OSTF1: variants seen among roughly 807,000 people sequenced by gnomAD.
The protein encoded by OSTF1 is osteoclast-stimulating factor 1.
OSTF1 carries 27 observed loss-of-function variants against 37.2 expected under a neutral mutation model. The observed-to-expected ratio is 0.73, with a 90% confidence interval of 0.54 to 1.00. OSTF1 has a LOEUF of 1.00. OSTF1 is among the 50% of genes least tolerant of loss of function. The pLI is 0.00. For missense variants in OSTF1, 232 were observed against 253.8 expected, an observed-to-expected ratio of 0.91 and a Z score of 0.58; for synonymous variants, 82 against 89.2, an observed-to-expected ratio of 0.92 and a Z score of 0.46.
intron 1 of OSTF1, among the ~76,000 whole-genome samples, chr9:75,093,064 C>CT (rs1043919048): frequency 2.5e-4 from 28 of 112,848 alleles, no homozygotes; most frequent in African/African-American, 2.5e-4. Context: ...TTCTTTCTTT[C>CT]TTTTTTTTTT....
chr9:75,095,807 G>A (rs1825071590), intron 1 of OSTF1, among the ~76,000 whole-genome samples: 1 of 152,082 alleles, frequency 6.6e-6, no homozygotes, highest in African/African-American at 2.4e-5. Flanking sequence ...AACAGTTGCT[G>A]TAGGTGTTTA....
intron 1 of OSTF1, among the ~76,000 whole-genome samples, chr9:75,103,993 C>G (rs1244851149): frequency 2.0e-5 from 3 of 152,128 alleles, no homozygotes; most frequent in African/African-American, 7.2e-5. Context: ...TTTGGGAGGC[C>G]AAGGTGGGTA....
chr9:75,088,591 G>T lies in OSTF1; in HGVS notation c.-102G>T, dbSNP rs1389904628. On this transcript the variant is annotated 5_prime_UTR_variant, in exon 1 of 10. Transcript: ENST00000346234. Reference sequence around the variant, plus strand: ...CGCCGGTCCTAGGAGGCGCACGGTTGTAAGCCAGACAAAAAGAACTGGGGT... The same window carrying T: ...CGCCGGTCCTAGGAGGCGCACGGTTTTAAGCCAGACAAAAAGAACTGGGGT... The T allele has an allele frequency of 3.1e-6, 4 of 1,300,488 alleles. No homozygotes were observed. In the East Asian group the frequency reaches 7.5e-5, roughly 25 times the overall value. 80.6% of individuals were successfully genotyped at this position (1,300,488 alleles called of 1,614,324 possible).
At chr9:75,115,974 G>A (rs1361814683) in intron 1 of OSTF1, among the ~76,000 whole-genome samples, 1 of 152,104 alleles carries the variant, frequency 6.6e-6, no homozygotes, top group East Asian at 1.9e-4. Context: ...TATGGTGGCA[G>A]GTGCCCGTAG....
At chr9:75,098,212 C>T (rs186376640) in intron 1 of OSTF1, among the ~76,000 whole-genome samples, 73 of 152,276 alleles carry the variant, frequency 4.8e-4, no homozygotes, top group Non-Finnish European at 7.5e-4. Context: ...TGATCCACTT[C>T]CCAACTCCCA....
At chr9:75,121,129 A>G (rs1319837946) in intron 2 of OSTF1, among the ~76,000 whole-genome samples, 1 of 152,158 alleles carries the variant, frequency 6.6e-6, no homozygotes, top group Non-Finnish European at 1.5e-5. Context: ...TCTCTGTCAC[A>G]GTGTTCTCAT....
chr9:75,092,212 G>A (rs1037336762), intron 1 of OSTF1, among the ~76,000 whole-genome samples: 2 of 152,224 alleles, frequency 1.3e-5, no homozygotes, highest in Non-Finnish European at 2.9e-5. Context: ...CCCAACAGGG[G>A]GCCGATTTGT....
intron 7 of OSTF1, among the ~76,000 whole-genome samples, chr9:75,135,598 T>C (rs1486694433): frequency 6.6e-6 from 1 of 152,228 alleles, no homozygotes; most frequent in African/African-American, 2.4e-5. Context: ...TTGTTTTATT[T>C]TGGTTATCTT....
intron 8 of OSTF1, among the ~76,000 whole-genome samples, chr9:75,139,674 T>G (rs113080134): frequency 6.6e-6 from 1 of 152,302 alleles, no homozygotes; most frequent in African/African-American, 2.4e-5. Flanking sequence ...CTGCCCGCCT[T>G]GGCCTCCTAA....
chr9:75,130,186 T>C (rs908290087), intron 3 of OSTF1, among the ~76,000 whole-genome samples: 6 of 152,088 alleles, frequency 3.9e-5, no homozygotes, highest in Non-Finnish European at 4.4e-5. Context: ...ACCCCCAAAA[T>C]GAAGATAATA....
intron 7 of OSTF1, among the ~76,000 whole-genome samples, chr9:75,137,187 C>T (rs1158548909): frequency 6.6e-6 from 1 of 152,214 alleles, no homozygotes; most frequent in Non-Finnish European, 1.5e-5. Context: ...ACCCATGCCT[C>T]ATGCCTGCCC....
intron 4 of OSTF1, among the ~76,000 whole-genome samples, chr9:75,131,237 T>C (rs1305491236): frequency 6.6e-6 from 1 of 152,210 alleles, no homozygotes; most frequent in Non-Finnish European, 1.5e-5. Flanking sequence ...TTCCTACTGA[T>C]TCTAGGACAG....
At chr9:75,114,094 CA>C (rs796372434) in intron 1 of OSTF1, among the ~76,000 whole-genome samples, 17 of 152,182 alleles carry the variant, frequency 1.1e-4, no homozygotes, top group African/African-American at 4.1e-4. Context: ...TCTTCAGGTT[CA>C]TTAATGTTGT....
chr9:75,108,566 G>A (rs1289093818), intron 1 of OSTF1, among the ~76,000 whole-genome samples: 1 of 152,086 alleles, frequency 6.6e-6, no homozygotes, highest in African/African-American at 2.4e-5. Context: ...TATATAAAGA[G>A]TAAAAATTAC....
chr9:75,135,077 C>G (rs1251371504), intron 7 of OSTF1, among the ~76,000 whole-genome samples: 3 of 152,136 alleles, frequency 2.0e-5, no homozygotes, highest in African/African-American at 4.8e-5. Flanking sequence ...CTTTGCTGTC[C>G]TCCAGGGAAC....
At chr9:75,129,499 A>G (rs1193241086) in intron 3 of OSTF1, among the ~76,000 whole-genome samples, 1 of 152,200 alleles carries the variant, frequency 6.6e-6, no homozygotes, top group Non-Finnish European at 1.5e-5. Flanking sequence ...AACATTACAA[A>G]AAGAAGCCGA....
In OSTF1 at chr9:75,132,996, CACACACACACACACA is replaced by C. The variant is rs1564167173; in HGVS notation, c.251-297_251-283del. ...ATACACACACACACACACACACACA[CACACACACACACACA>C]CCCCTATATATTTTTTAACAGAATA... On this transcript the variant is annotated intron_variant, in intron 5 of 9. Transcript: ENST00000346234. Among the ~76,000 whole-genome samples, 201 of 86,424 alleles carry C rather than the reference CACACACACACACACA, an allele frequency of 2.3e-3. 2 individuals are homozygous for C. Among genetic ancestry groups the C allele is most frequent in the African/African-American group, 6.8e-3 (178 of 26,100 alleles). 56.7% of individuals were successfully genotyped at this position (86,424 alleles called of 152,430 possible). A position where few individuals can be genotyped will look rare whatever the true frequency, so the allele number is the denominator to read the frequency against.
intron 1 of OSTF1, among the ~76,000 whole-genome samples, chr9:75,097,536 A>G (rs1401008929): frequency 6.6e-6 from 1 of 152,170 alleles, no homozygotes; most frequent in Admixed American, 6.5e-5. Context: ...CATTTTCCAA[A>G]CATCAAGTCT....
In OSTF1 at chr9:75,146,692, G is replaced by A. The variant is rs767822193; in HGVS notation, c.596G>A (p.Arg199Gln). 1.2e-5 allele frequency: 20 copies of A among 1,608,268 alleles called. No homozygotes were observed. The highest frequency in any genetic ancestry group is 2.2e-5 in the East Asian group (1 of 44,506). The change falls in exon 10 of 10, where the codon CGA (arginine) becomes CAA (glutamine). Residue 199 changes from arginine to glutamine, a missense_variant. By Grantham distance (43) the Arg-to-Gln change is conservative. Coordinates refer to ENST00000346234, the MANE Select transcript of OSTF1 (RefSeq NM_012383.5). ...LKKKQGTDAV[R>Q]TLSNAEDYLD... ...CTCCTCTTTCTTTCAGATGCAGTTCGAACATTAAGCAATGCCGAGGACTAT... is the reference window on the plus strand; with the variant it reads ...CTCCTCTTTCTTTCAGATGCAGTTCAAACATTAAGCAATGCCGAGGACTAT...
Sources: gnomAD v4.1 joint callset for allele counts (sites outside exome capture counted in the v4.1 genomes callset) on GRCh38, gnomAD v4.1.1 for gene constraint, MANE v1.5 for transcripts, NCBI Gene and HGNC (gene_info 2026-07-23, HGNC 2026-07-21) for gene names.